HDAC9: variants seen among roughly 807,000 people sequenced by gnomAD.
HDAC9 encodes MEF-2 interacting transcription repressor (MITR) protein.
In HDAC9, 41 loss-of-function variants were observed where a neutral mutation model predicts 139.4. That is an observed-to-expected ratio of 0.29 (90% CI 0.23 to 0.38). The LOEUF (loss-of-function observed/expected upper bound fraction) is 0.38, where lower values mean the gene tolerates loss of function less well. Ranked by LOEUF, HDAC9 falls within the 10% of genes least tolerant of loss-of-function variation. The pLI, the probability that HDAC9 is intolerant of heterozygous loss-of-function variation, is 1.00. For synonymous variants in HDAC9, 517 were observed against 476.2 expected, an observed-to-expected ratio of 1.09 and a Z score of -1.12; for missense variants, 1,147 against 1,297.0, an observed-to-expected ratio of 0.88 and a Z score of 1.78.
At chr7:18,339,201 T>G (rs1781807943) in intron 1 of HDAC9, among the ~76,000 whole-genome samples, 1 of 151,462 alleles carries the variant, frequency 6.6e-6, no homozygotes, top group African/African-American at 2.4e-5. Flanking sequence ...CTGGATCTTC[T>G]AAAATAATCA....
intron 1 of HDAC9, among the ~76,000 whole-genome samples, chr7:18,111,622 T>C (rs1430521142): frequency 1.3e-5 from 2 of 152,250 alleles, no homozygotes; most frequent in Non-Finnish European, 2.9e-5. Flanking sequence ...GTATAAATGC[T>C]ATGTAAGTAG....
At chr7:18,399,099 A>G (rs946437838) in intron 1 of HDAC9, among the ~76,000 whole-genome samples, 1 of 152,202 alleles carries the variant, frequency 6.6e-6, no homozygotes, top group Non-Finnish European at 1.5e-5. Flanking sequence ...GTGTGGAAAG[A>G]AGCAAGCAAC....
intron 25 of HDAC9, among the ~76,000 whole-genome samples, chr7:18,990,423 G>T: frequency 6.6e-6 from 1 of 152,232 alleles, no homozygotes; most frequent in Non-Finnish European, 1.5e-5. Flanking sequence ...CTCCAGCTGC[G>T]TGCTGGGAGA....
At chr7:18,738,524 A>G (rs879783837) in intron 13 of HDAC9, among the ~76,000 whole-genome samples, 1 of 152,186 alleles carries the variant, frequency 6.6e-6, no homozygotes, top group Non-Finnish European at 1.5e-5. Flanking sequence ...TATAAAGCTT[A>G]GTTTGGCTGG....
At chr7:18,306,342 G>A (rs1307314181) in intron 1 of HDAC9, among the ~76,000 whole-genome samples, 3 of 152,196 alleles carry the variant, frequency 2.0e-5, no homozygotes, top group Non-Finnish European at 4.4e-5. Context: ...AGAAGTCAAT[G>A]TCTGGCCAGT....
At chr7:18,702,452 TG>T (rs1382672722) in intron 12 of HDAC9, among the ~76,000 whole-genome samples, 1 of 152,224 alleles carries the variant, frequency 6.6e-6, no homozygotes. Context: ...TGCATAATTT[TG>T]GGATGCGGCC....
chr7:18,973,363 G>T (rs1408202928), intron 24 of HDAC9, among the ~76,000 whole-genome samples: 1 of 152,160 alleles, frequency 6.6e-6, no homozygotes, highest in Non-Finnish European at 1.5e-5. Context: ...CTTTGTAAAT[G>T]TCATCTGCTA....
chr7:18,853,752 G>A (rs910599044), intron 21 of HDAC9, among the ~76,000 whole-genome samples: 1 of 152,032 alleles, frequency 6.6e-6, no homozygotes, highest in Non-Finnish European at 1.5e-5. Flanking sequence ...TTTCATTAGC[G>A]TGCATTTACC....
intron 14 of HDAC9, among the ~76,000 whole-genome samples, chr7:18,752,332 A>T (rs1003511606): frequency 2.0e-5 from 3 of 152,070 alleles, no homozygotes; most frequent in Non-Finnish European, 2.9e-5. Context: ...AAAGGAATCA[A>T]AGATAATGAC....
chr7:18,115,437 G>A (rs1285424027), intron 1 of HDAC9, among the ~76,000 whole-genome samples: 6 of 152,164 alleles, frequency 3.9e-5, no homozygotes, highest in Admixed American at 1.3e-4. Flanking sequence ...GGTTGCACAA[G>A]TGCATGAAAA....
intron 1 of HDAC9, among the ~76,000 whole-genome samples, chr7:18,402,226 A>T (rs1414717942): frequency 1.3e-5 from 2 of 152,202 alleles, no homozygotes; most frequent in Non-Finnish European, 2.9e-5. Flanking sequence ...ACGGGTTAAC[A>T]GATATATCAA....
chr7:18,853,095 G>A (rs1797423495), intron 21 of HDAC9, among the ~76,000 whole-genome samples: 1 of 152,070 alleles, frequency 6.6e-6, no homozygotes, highest in Non-Finnish European at 1.5e-5. Context: ...CCCTGAGTCG[G>A]CCTGGCTCCG....
chr7:18,530,314 T>C (rs1366430432), intron 2 of HDAC9, among the ~76,000 whole-genome samples: 1 of 152,072 alleles, frequency 6.6e-6, no homozygotes. Flanking sequence ...ATGTTCTATC[T>C]GAAAACAATG....
intron 18 of HDAC9, 34 bp from the exon 19 acceptor site, chr7:18,829,422 ATTTGC>A: frequency 7.0e-7 from 1 of 1,431,236 alleles, no homozygotes; most frequent in Non-Finnish European, 9.8e-7. Flanking sequence ...TTCCTGGATG[ATTTGC>A]TTTCTTATTT....
chr7:18,459,700 A>G (rs190418688), intron 1 of HDAC9, among the ~76,000 whole-genome samples: 6 of 152,012 alleles, frequency 3.9e-5, no homozygotes, highest in African/African-American at 1.4e-4. Flanking sequence ...GCTGGAGCCT[A>G]GTAGAGTTCT....
intron 2 of HDAC9, 64 bp downstream of exon 2, chr7:18,496,388 G>T: frequency 7.2e-7 from 1 of 1,382,694 alleles, no homozygotes; most frequent in African/African-American, 1.4e-5. Flanking sequence ...GGGAAATGCA[G>T]CTAAGAAAAG....
chr7:18,576,399 T>C (rs1825948708), intron 2 of HDAC9, among the ~76,000 whole-genome samples: 1 of 152,048 alleles, frequency 6.6e-6, no homozygotes, highest in Non-Finnish European at 1.5e-5. Flanking sequence ...GGCTGACTCA[T>C]CCCTGTAATC....
chr7:18,599,574 C>T (rs183837102), intron 6 of HDAC9, among the ~76,000 whole-genome samples: 1 of 152,270 alleles, frequency 6.6e-6, no homozygotes, highest in Admixed American at 6.5e-5. Context: ...AAACTGGCTT[C>T]TTGTATTTGG....
At chr7:18,858,334 C>G (rs1022796095) in intron 21 of HDAC9, among the ~76,000 whole-genome samples, 2 of 152,096 alleles carry the variant, frequency 1.3e-5, no homozygotes, top group Non-Finnish European at 2.9e-5. Context: ...CTAGGCAAGC[C>G]TCAGGAAACT....
Sources: allele counts gnomAD v4.1 joint callset (sites outside exome capture counted in the v4.1 genomes callset), GRCh38; gene constraint gnomAD v4.1.1; transcripts MANE v1.5; gene names NCBI Gene and HGNC (gene_info 2026-07-23, HGNC 2026-07-21).